The following CNTNAP5 variants were observed in gnomAD, a reference collection of about 807,000 sequenced individuals.
The protein encoded by CNTNAP5 is contactin-associated protein-like 5.
A neutral mutation model predicts 150.2 loss-of-function variants in CNTNAP5; 72 were observed. That is an observed-to-expected ratio of 0.48 (90% CI 0.40 to 0.58). The LOEUF is 0.58. CNTNAP5 is among the 20% of genes least tolerant of loss of function. CNTNAP5 has a pLI of 0.00. For synonymous variants in CNTNAP5, 672 were observed against 619.8 expected, an observed-to-expected ratio of 1.08 and a Z score of -1.25; for missense variants, 1,636 against 1,626.2, an observed-to-expected ratio of 1.01 and a Z score of -0.10.
intron 4 of CNTNAP5, among the ~76,000 whole-genome samples, chr2:124,424,375 A>T (rs568830115): frequency 6.4e-4 from 97 of 152,292 alleles, no homozygotes; most frequent in South Asian, 3.7e-3. Context: ...GAGGGACAGG[A>T]TGACAGCAGT....
chr2:124,415,099 G>A (rs559158368), intron 3 of CNTNAP5, among the ~76,000 whole-genome samples: 2 of 152,280 alleles, frequency 1.3e-5, no homozygotes, highest in Admixed American at 1.3e-4. Context: ...AGCAGGGAAG[G>A]AGGACAGCTT....
At chr2:124,874,214 T>G (rs1419815380) in intron 21 of CNTNAP5, among the ~76,000 whole-genome samples, 1 of 152,094 alleles carries the variant, frequency 6.6e-6, no homozygotes, top group African/African-American at 2.4e-5. Flanking sequence ...TTTCTTAACT[T>G]TCAAGAGAGA....
At chr2:124,183,065 C>G (rs1398932275) in intron 1 of CNTNAP5, among the ~76,000 whole-genome samples, 5 of 152,058 alleles carry the variant, frequency 3.3e-5, no homozygotes, top group Non-Finnish European at 5.9e-5. Flanking sequence ...TTGTACCAAC[C>G]CTTTATATTT....
chr2:124,150,021 CA>C (rs1558775974), intron 1 of CNTNAP5, among the ~76,000 whole-genome samples: 1 of 152,044 alleles, frequency 6.6e-6, no homozygotes, highest in East Asian at 1.9e-4. Context: ...CTGCTTTACT[CA>C]AAAAAATCTG....
At chr2:124,782,440 A>G (rs1681472799) in intron 17 of CNTNAP5, among the ~76,000 whole-genome samples, 1 of 152,250 alleles carries the variant, frequency 6.6e-6, no homozygotes, top group Non-Finnish European at 1.5e-5. Flanking sequence ...CTGTACTAGA[A>G]GGTCATGTGG....
At position 124,916,007 on chromosome 2, in the gene CNTNAP5, G is replaced by T. The variant is rs1184779617; in HGVS notation, c.*1719G>T. On this transcript the variant is annotated 3_prime_UTR_variant, in exon 24 of 24. Coordinates refer to ENST00000682447, the MANE Select transcript of CNTNAP5 (RefSeq NM_001367498.1). The stretch of plus-strand genomic sequence containing the variant: ...ACAGTTAGCAGACATTCCAACTTGT[G>T]CTTAGGGTACACTGTCTCTCGCCTC... Among the ~76,000 whole-genome samples, 1 of 152,076 alleles carries T rather than the reference G, an allele frequency of 6.6e-6. No individual in the cohort carries two copies. The highest frequency in any genetic ancestry group is 2.4e-5 in the African/African-American group (1 of 41,444).
At chr2:124,674,836 G>A (rs141194780) in intron 13 of CNTNAP5, among the ~76,000 whole-genome samples, 4,402 of 151,578 alleles carry the variant, frequency 0.029, 66 homozygotes, top group Middle Eastern at 0.041. Flanking sequence ...AAGAATTTTG[G>A]GTAACATACT....
At chr2:124,281,768 A>C (rs1235488557) in intron 3 of CNTNAP5, among the ~76,000 whole-genome samples, 2 of 152,130 alleles carry the variant, frequency 1.3e-5, no homozygotes, top group African/African-American at 4.8e-5. Context: ...TTGCTGACCG[A>C]CTACGGAAGC....
At chr2:124,161,276 C>A (rs1032955860) in intron 1 of CNTNAP5, among the ~76,000 whole-genome samples, 1 of 152,088 alleles carries the variant, frequency 6.6e-6, no homozygotes, top group Admixed American at 6.6e-5. Context: ...GGAGCTGAGA[C>A]GAAAACTTGG....
intron 6 of CNTNAP5, among the ~76,000 whole-genome samples, chr2:124,448,205 T>C: frequency 6.6e-6 from 1 of 151,724 alleles, no homozygotes; most frequent in Non-Finnish European, 1.5e-5. Flanking sequence ...GAGGTGGTGC[T>C]TGCAGTGAGC....
chr2:124,889,225 A>C (rs376152455), intron 21 of CNTNAP5, among the ~76,000 whole-genome samples: 2 of 151,360 alleles, frequency 1.3e-5, no homozygotes, highest in East Asian at 3.9e-4. Context: ...TCAGCCTCCC[A>C]AGTAGCTGGG....
chr2:124,164,961 T>C (rs1684776695), intron 1 of CNTNAP5, among the ~76,000 whole-genome samples: 1 of 152,038 alleles, frequency 6.6e-6, no homozygotes, highest in South Asian at 2.1e-4. Context: ...TTATGACACA[T>C]TGTGGTGGAG....
Position 124,869,716 on chromosome 2 carries a change from A to G in CNTNAP5, c.3390A>G (p.Glu1130=), listed in dbSNP as rs200535854. 4.3e-5 allele frequency: 70 copies of G among 1,612,420 alleles called. No individual in the cohort carries two copies. In the African/African-American group the frequency reaches 8.4e-4, roughly 19 times the overall value. ...QLRLSYNFSP[E]VEFRVIRSLT... ...GACTCAGTTATAACTTCTCTCCGGA[A>G]GTAGAGTTCAGGGTTATAAGGTCAC... The change falls in exon 21 of 24, where the codon GAA becomes GAG. Residue 1130 remains glutamate (E), a synonymous_variant. Transcript: ENST00000682447.
At chr2:124,323,453 G>A (rs138967508) in intron 3 of CNTNAP5, among the ~76,000 whole-genome samples, 2 of 152,142 alleles carry the variant, frequency 1.3e-5, no homozygotes, top group Non-Finnish European at 2.9e-5. Flanking sequence ...TGTGTCTCTT[G>A]CATCACTGAA....
At chr2:124,834,525 G>A (rs1682789198) in intron 19 of CNTNAP5, among the ~76,000 whole-genome samples, 1 of 152,106 alleles carries the variant, frequency 6.6e-6, no homozygotes, top group Admixed American at 6.6e-5. Flanking sequence ...GGGGGGTATT[G>A]CAGCAGAAGG....
intron 1 of CNTNAP5, among the ~76,000 whole-genome samples, chr2:124,067,314 G>C (rs902633443): frequency 1.3e-5 from 2 of 152,114 alleles, no homozygotes; most frequent in Non-Finnish European, 2.9e-5. Flanking sequence ...CAGGGTGTTG[G>C]CAAGAACATG....
At chr2:124,604,114 C>T (rs1469299617) in intron 11 of CNTNAP5, among the ~76,000 whole-genome samples, 8 of 152,178 alleles carry the variant, frequency 5.3e-5, no homozygotes, top group Non-Finnish European at 7.3e-5. Flanking sequence ...TTGCTTCTTG[C>T]ACTTTCAGTG....
chr2:124,567,134 A>ATT (rs1696041917), intron 11 of CNTNAP5, among the ~76,000 whole-genome samples: 3 of 152,186 alleles, frequency 2.0e-5, no homozygotes, highest in African/African-American at 7.2e-5. Context: ...AATGTGAAGC[A>ATT]AGAGGACAGA....
chr2:124,388,904 C>A (rs550326048), intron 3 of CNTNAP5, among the ~76,000 whole-genome samples: 2 of 152,166 alleles, frequency 1.3e-5, no homozygotes, highest in South Asian at 4.2e-4. Flanking sequence ...TGCACGGGGT[C>A]CATTTTTGTG....
Sources: gnomAD v4.1 joint callset for allele counts (sites outside exome capture counted in the v4.1 genomes callset) on GRCh38, gnomAD v4.1.1 for gene constraint, MANE v1.5 for transcripts, NCBI Gene and HGNC (gene_info 2026-07-23, HGNC 2026-07-21) for gene names.